The following CAMK1D variants were observed in gnomAD, a reference collection of about 807,000 sequenced individuals.
CAMK1D encodes calcium/calmodulin-dependent protein kinase type 1D.
CAMK1D carries 9 observed loss-of-function variants against 47.7 expected under a neutral mutation model. The observed-to-expected ratio is 0.19, with a 90% CI of 0.11 to 0.33. CAMK1D has a LOEUF of 0.33. Ranked by LOEUF, CAMK1D falls within the 10% of genes least tolerant of loss-of-function variation. The probability of loss-of-function intolerance (pLI) is 1.00; values close to 1 mark genes in which losing one functional copy is unlikely to be tolerated. For missense variants in CAMK1D, 291 were observed against 488.7 expected, an observed-to-expected ratio of 0.60 and a Z score of 3.81; for synonymous variants, 184 against 184.9, an observed-to-expected ratio of 0.99 and a Z score of 0.04.
rs553534352 is a variant in CAMK1D at position 12,365,729 on chromosome 10, C to T, written c.92+15819C>T. 5.3e-5 allele frequency among the ~76,000 whole-genome samples: 8 copies of T among 152,158 alleles called. No individual in the cohort carries two copies. In the East Asian group the frequency reaches 5.8e-4, roughly 11 times the overall value. On this transcript the variant is annotated intron_variant, in intron 1 of 10. Transcript: ENST00000619168. ...CTGGGATTACAGGTGTAAGCCACCA[C>T]GCCCGGCCTAAAGATTATAGCTTTA... is the stretch of plus-strand genomic sequence containing the variant.
chr10:12,464,872 A>G (rs1833546208), intron 1 of CAMK1D, among the ~76,000 whole-genome samples: 1 of 152,096 alleles, frequency 6.6e-6, no homozygotes, highest in South Asian at 2.1e-4. Context: ...GTTGTATTTC[A>G]TATTCTTCAT....
intron 3 of CAMK1D, among the ~76,000 whole-genome samples, chr10:12,751,284 C>T (rs1009952766): frequency 4.6e-5 from 7 of 152,242 alleles, no homozygotes; most frequent in African/African-American, 1.7e-4. Flanking sequence ...GAGATAGAGT[C>T]TTGCTCTGTC....
At chr10:12,596,642 G>A (rs192922338) in intron 2 of CAMK1D, among the ~76,000 whole-genome samples, 1 of 152,246 alleles carries the variant, frequency 6.6e-6, no homozygotes, top group East Asian at 1.9e-4. Flanking sequence ...AACTTAGGGA[G>A]CAGTAGAGGA....
intron 1 of CAMK1D, among the ~76,000 whole-genome samples, chr10:12,387,220 T>G (rs1383937449): frequency 2.0e-5 from 3 of 149,350 alleles, no homozygotes. Flanking sequence ...AAAAAAAAAG[T>G]TACCGTTACA....
chr10:12,401,106 T>TA, intron 1 of CAMK1D, among the ~76,000 whole-genome samples: 1 of 79,234 alleles, frequency 1.3e-5, no homozygotes, highest in South Asian at 3.1e-4. Flanking sequence ...TATATATATA[T>TA]TTTATATATA....
At chr10:12,570,850 G>A (rs1051513997) in intron 2 of CAMK1D, among the ~76,000 whole-genome samples, 1 of 152,094 alleles carries the variant, frequency 6.6e-6, no homozygotes, top group Non-Finnish European at 1.5e-5. Flanking sequence ...TACTCAGGAG[G>A]CTGAGAGAGG....
chr10:12,813,547 T>G (rs1303886572), intron 6 of CAMK1D, among the ~76,000 whole-genome samples: 1 of 152,164 alleles, frequency 6.6e-6, no homozygotes, highest in Non-Finnish European at 1.5e-5. Context: ...GTTAGGTTTT[T>G]AGGGCGTGTG....
chr10:12,779,414 G>T (rs1017810390), intron 5 of CAMK1D, among the ~76,000 whole-genome samples: 1 of 152,080 alleles, frequency 6.6e-6, no homozygotes, highest in Non-Finnish European at 1.5e-5. Context: ...TTTGGTGGAG[G>T]ATGGCCTGTT....
At chr10:12,588,601 C>T (rs1325163078) in intron 2 of CAMK1D, among the ~76,000 whole-genome samples, 1 of 151,954 alleles carries the variant, frequency 6.6e-6, no homozygotes, top group Non-Finnish European at 1.5e-5. Context: ...ATCTCCTGCC[C>T]CACCACCTGC....
At chr10:12,701,864 C>A (rs1833532814) in intron 3 of CAMK1D, among the ~76,000 whole-genome samples, 1 of 152,198 alleles carries the variant, frequency 6.6e-6, no homozygotes, top group Non-Finnish European at 1.5e-5. Flanking sequence ...AGGGGTTCTT[C>A]CCCAGCCATG....
intron 3 of CAMK1D, among the ~76,000 whole-genome samples, chr10:12,756,717 A>G (rs907763855): frequency 6.6e-5 from 10 of 152,114 alleles, no homozygotes; most frequent in African/African-American, 2.2e-4. Flanking sequence ...ACGAGGTCAG[A>G]AGATCGACAC....
At chr10:12,818,595 C>T (rs1225311799) in intron 8 of CAMK1D, among the ~76,000 whole-genome samples, 2 of 151,838 alleles carry the variant, frequency 1.3e-5, no homozygotes, top group African/African-American at 4.8e-5. Context: ...CACTTGAATC[C>T]AGGAGGCGGA....
At chr10:12,361,545 C>CTTT (rs36015215) in intron 1 of CAMK1D, among the ~76,000 whole-genome samples, 3 of 63,058 alleles carry the variant, frequency 4.8e-5, no homozygotes, top group Non-Finnish European at 5.6e-5. Context: ...GTGCCTGGCC[C>CTTT]TTTTTTTTTT....
At chr10:12,672,552 G>C (rs57644525) in intron 3 of CAMK1D, among the ~76,000 whole-genome samples, 2 of 151,680 alleles carry the variant, frequency 1.3e-5, no homozygotes, top group East Asian at 2.0e-4. Flanking sequence ...TGTATTTTTC[G>C]TAGAGACAGG....
intron 1 of CAMK1D, among the ~76,000 whole-genome samples, chr10:12,382,936 C>G (rs1272851137): frequency 6.6e-6 from 1 of 150,686 alleles, no homozygotes; most frequent in Non-Finnish European, 1.5e-5. Flanking sequence ...CTGCAAGTAG[C>G]AATTTTTTTT....
intron 8 of CAMK1D, among the ~76,000 whole-genome samples, chr10:12,822,233 G>T (rs772886843): frequency 6.6e-6 from 1 of 152,148 alleles, no homozygotes; most frequent in African/African-American, 2.4e-5. Context: ...ATGGGTCACC[G>T]TTGTCATTGC....
chr10:12,693,801 T>C, intron 3 of CAMK1D, among the ~76,000 whole-genome samples: 1 of 146,150 alleles, frequency 6.8e-6, no homozygotes, highest in Admixed American at 7.3e-5. Flanking sequence ...TCGATTCACT[T>C]GAGCTCAGGA....
intron 3 of CAMK1D, among the ~76,000 whole-genome samples, chr10:12,749,546 TGTTTTTTGTTTG>T (rs1835840260): frequency 8.4e-6 from 1 of 118,448 alleles, no homozygotes; most frequent in Non-Finnish European, 1.9e-5. Context: ...TTTGTTTGTT[TGTTTTTTGTTTG>T]TTTGTTTGTT....
chr10:12,560,554 GGA>G (rs767131388), intron 2 of CAMK1D, among the ~76,000 whole-genome samples: 11,552 of 88,766 alleles, frequency 0.13, 610 homozygotes, highest in South Asian at 0.19. Context: ...ACTCTATCTC[GGA>G]AAAAAAAAAA....
Sources: gnomAD v4.1 joint callset for allele counts (sites outside exome capture counted in the v4.1 genomes callset) on GRCh38, gnomAD v4.1.1 for gene constraint, MANE v1.5 for transcripts, NCBI Gene and HGNC (gene_info 2026-07-23, HGNC 2026-07-21) for gene names.